The following CELF2 variants were observed in gnomAD, a reference collection of about 807,000 sequenced individuals.
CELF2 encodes the protein CUGBP Elav-like family member 2.
In CELF2, 8 loss-of-function variants were observed where a neutral mutation model predicts 62.6. The observed-to-expected ratio is 0.13, with a 90% CI of 0.07 to 0.23. The LOEUF is 0.23. Ranked by LOEUF, CELF2 falls within the 10% of genes least tolerant of loss-of-function variation. CELF2 has a pLI of 1.00. For missense variants in CELF2, 333 were observed against 671.0 expected (o/e 0.50, Z 5.56); for synonymous variants, 258 against 250.0 (o/e 1.03, Z -0.30).
At chr10:10,633,183 T>C in the CELF2 span, among the ~76,000 whole-genome samples, 1 of 152,228 alleles carries the variant, frequency 6.6e-6, no homozygotes, top group Non-Finnish European at 1.5e-5. Flanking sequence ...CCTGTGCGTG[T>C]ATCTGTAAGA....
At chr10:10,933,817 A>G (rs1013703823) in intron 2 of CELF2, among the ~76,000 whole-genome samples, 1 of 152,164 alleles carries the variant, frequency 6.6e-6, no homozygotes, top group Non-Finnish European at 1.5e-5. Flanking sequence ...GTGTATATAT[A>G]CCACATTTTC....
intron 1 of CELF2, among the ~76,000 whole-genome samples, chr10:10,888,928 T>C (rs890646290): frequency 6.6e-6 from 1 of 152,216 alleles, no homozygotes; most frequent in Non-Finnish European, 1.5e-5. Flanking sequence ...CATGTCACTC[T>C]TATCTTTGTC....
At chr10:10,520,212 T>C in the CELF2 span, among the ~76,000 whole-genome samples, 17 of 152,348 alleles carry the variant, frequency 1.1e-4, no homozygotes, top group African/African-American at 4.1e-4. Flanking sequence ...GAAATTTCTA[T>C]AAATTTTTAT....
the CELF2 span, among the ~76,000 whole-genome samples, chr10:10,513,166 A>G: frequency 1.3e-5 from 2 of 152,200 alleles, no homozygotes; most frequent in Non-Finnish European, 2.9e-5. Context: ...GTACCTTAGT[A>G]GTTTACAGGA....
At chr10:10,736,451 G>C in the CELF2 span, among the ~76,000 whole-genome samples, 3 of 140,784 alleles carry the variant, frequency 2.1e-5, no homozygotes, top group Non-Finnish European at 4.6e-5. Context: ...TTACAGAGAG[G>C]TATCACATAT....
chr10:11,015,314 A>G (rs1189025871), upstream of CELF2, among the ~76,000 whole-genome samples: 2 of 151,956 alleles, frequency 1.3e-5, no homozygotes, highest in African/African-American at 4.8e-5. This position sits in a 1 kb window ranked among gnomAD's most constrained non-coding sequence, Gnocchi z 4.8. Flanking sequence ...TGAAATTTGT[A>G]TTTTTACAAA....
At chr10:10,616,719 TGAGAGA>T in the CELF2 span, among the ~76,000 whole-genome samples, 10 of 55,260 alleles carry the variant, frequency 1.8e-4, no homozygotes, top group Non-Finnish European at 3.6e-4. Context: ...TGTGTGTGTG[TGAGAGA>T]GAGAGAGAGA....
Position 11,046,950 on chromosome 10 carries a change from T to A in CELF2, c.74+28787T>A, listed in dbSNP as rs1389174137. The stretch of plus-strand genomic sequence containing the variant: ...TTGTAGAGGAAGGATTGTTCGGAAT[T>A]ATTATATTGTCAGACCCATTGTTTA... On this transcript the variant is annotated intron_variant, in intron 1 of 12. Coordinates refer to ENST00000633077, the MANE Select transcript of CELF2 (RefSeq NM_001326342.2). This position sits in a 1 kb window ranked among gnomAD's most constrained non-coding sequence, Gnocchi z 4.6. Among the ~76,000 whole-genome samples, 1 of 152,088 alleles carries A rather than the reference T, an allele frequency of 6.6e-6. No homozygotes were observed. The highest frequency in any genetic ancestry group is 1.5e-5 in the Non-Finnish European group (1 of 68,016).
At chr10:10,665,513 C>G in the CELF2 span, among the ~76,000 whole-genome samples, 1 of 152,136 alleles carries the variant, frequency 6.6e-6, no homozygotes, top group Non-Finnish European at 1.5e-5. Flanking sequence ...GCAGGGTAGG[C>G]TGCCTCAGAG....
At chr10:10,729,307 T>C in the CELF2 span, among the ~76,000 whole-genome samples, 2 of 152,160 alleles carry the variant, frequency 1.3e-5, no homozygotes, top group Non-Finnish European at 2.9e-5. Flanking sequence ...AGTACGTTAG[T>C]CATGGTAAGA....
chr10:11,094,696 G>C (rs895117937), intron 1 of CELF2, among the ~76,000 whole-genome samples: 1 of 152,200 alleles, frequency 6.6e-6, no homozygotes, highest in Non-Finnish European at 1.5e-5. Flanking sequence ...GAAAAAGACT[G>C]CCCATCATGT....
chr10:10,782,213 A>AC, the CELF2 span, among the ~76,000 whole-genome samples: 1 of 152,230 alleles, frequency 6.6e-6, no homozygotes, highest in Non-Finnish European at 1.5e-5. Context: ...TATTATAAAG[A>AC]CAGAAAAGTC....
the CELF2 span, among the ~76,000 whole-genome samples, chr10:10,541,242 C>CAAAA: frequency 3.5e-5 from 4 of 112,932 alleles, no homozygotes; most frequent in Non-Finnish European, 3.5e-5. Flanking sequence ...GACCCCATCT[C>CAAAA]AAAAAAAAAA....
chr10:10,614,194 G>A, the CELF2 span, among the ~76,000 whole-genome samples: 1 of 151,560 alleles, frequency 6.6e-6, no homozygotes, highest in Non-Finnish European at 1.5e-5. Flanking sequence ...GGTTGATTAG[G>A]TTGACCAGAT....
chr10:10,560,684 GAA>G, the CELF2 span, among the ~76,000 whole-genome samples: 1 of 150,634 alleles, frequency 6.6e-6, no homozygotes, highest in African/African-American at 2.4e-5. Context: ...ACCCAGAGGG[GAA>G]AAAAAAATCA....
At chr10:10,948,732 C>T (rs1201109940) in intron 2 of CELF2, among the ~76,000 whole-genome samples, 3 of 152,134 alleles carry the variant, frequency 2.0e-5, no homozygotes, top group Non-Finnish European at 2.9e-5. Flanking sequence ...CTCTACCTAT[C>T]CATATCCCTA....
chr10:10,569,605 T>C, the CELF2 span, among the ~76,000 whole-genome samples: 1 of 152,160 alleles, frequency 6.6e-6, no homozygotes, highest in Non-Finnish European at 1.5e-5. Flanking sequence ...GTGTATCAGT[T>C]GGGTTGTGCA....
the CELF2 span, among the ~76,000 whole-genome samples, chr10:10,584,092 G>A: frequency 1.3e-5 from 2 of 152,094 alleles, no homozygotes; most frequent in African/African-American, 2.4e-5. Flanking sequence ...GTGATAACAC[G>A]GTTATCACCA....
chr10:10,796,598 G>A (rs536092641), upstream of CELF2, among the ~76,000 whole-genome samples: 46 of 152,246 alleles, frequency 3.0e-4, no homozygotes, highest in African/African-American at 5.3e-4. Flanking sequence ...CCCTGGTGCC[G>A]TGGGCTAAGG....
Sources: gnomAD v4.1 joint callset for allele counts (sites outside exome capture counted in the v4.1 genomes callset) on GRCh38, gnomAD v4.1.1 for gene constraint, Gnocchi (gnomAD v3.1) non-coding constraint, MANE v1.5 for transcripts, NCBI Gene and HGNC (gene_info 2026-07-23, HGNC 2026-07-21) for gene names.